The following ANKS1B variants were observed in gnomAD, a reference collection of about 807,000 sequenced individuals.
ANKS1B encodes ankyrin repeat and sterile alpha motif domain-containing protein 1B.
In ANKS1B, 36 loss-of-function variants were observed where a neutral mutation model predicts 148.3. The ratio of observed to expected loss-of-function variants is 0.24; its 90% CI spans 0.19 to 0.32. The LOEUF is 0.32. ANKS1B is among the 10% of genes least tolerant of loss of function. The probability of loss-of-function intolerance (pLI) is 1.00; values close to 1 mark genes in which losing one functional copy is unlikely to be tolerated. For synonymous variants in ANKS1B, 542 were observed against 560.8 expected (o/e 0.97, Z 0.47); for missense variants, 1,157 against 1,542.6 (o/e 0.75, Z 4.19).
chr12:98,984,503 T>C (rs527316907), intron 17 of ANKS1B, among the ~76,000 whole-genome samples: 67 of 152,208 alleles, frequency 4.4e-4, no homozygotes, highest in Non-Finnish European at 8.1e-4. Context: ...TTAACACCTT[T>C]CTTGGAAATC....
chr12:99,896,475 C>A (rs914792908), intron 1 of ANKS1B, among the ~76,000 whole-genome samples: 3 of 151,316 alleles, frequency 2.0e-5, no homozygotes, highest in African/African-American at 7.3e-5. Flanking sequence ...AGAGACACCA[C>A]AATTTCTTTA....
chr12:99,131,124 C>T (rs77762378), intron 15 of ANKS1B, among the ~76,000 whole-genome samples: 8,865 of 152,212 alleles, frequency 0.058, 844 homozygotes, highest in African/African-American at 0.2. Flanking sequence ...TGTTTGTTGC[C>T]TACTCGTCTT....
chr12:99,459,958 A>T (rs1353112476), intron 10 of ANKS1B, among the ~76,000 whole-genome samples: 1 of 152,152 alleles, frequency 6.6e-6, no homozygotes, highest in Non-Finnish European at 1.5e-5. Flanking sequence ...AAACAAGACT[A>T]AGCAAAAAGA....
intron 22 of ANKS1B, among the ~76,000 whole-genome samples, chr12:98,791,783 G>C (rs1421860850): frequency 1.3e-5 from 2 of 152,210 alleles, no homozygotes; most frequent in Non-Finnish European, 2.9e-5. Flanking sequence ...TGATTCCTAA[G>C]AAGTAATTCT....
At chr12:99,467,266 A>T (rs985750056) in intron 10 of ANKS1B, among the ~76,000 whole-genome samples, 1 of 152,174 alleles carries the variant, frequency 6.6e-6, no homozygotes, top group African/African-American at 2.4e-5. Flanking sequence ...CTCTCAATAA[A>T]TTAGGTATTG....
At chr12:99,222,441 C>G (rs191480694) in intron 14 of ANKS1B, among the ~76,000 whole-genome samples, 2 of 152,126 alleles carry the variant, frequency 1.3e-5, no homozygotes. Context: ...ACGGCAAAAC[C>G]CCATCTCTAC....
At chr12:99,620,296 A>G (rs1271285567) in intron 9 of ANKS1B, among the ~76,000 whole-genome samples, 1 of 152,230 alleles carries the variant, frequency 6.6e-6, no homozygotes. Context: ...GCATCTCCAG[A>G]TGAGAAAGAT....
intron 1 of ANKS1B, among the ~76,000 whole-genome samples, chr12:99,894,735 CCAA>C (rs1301455598): frequency 1.3e-5 from 2 of 149,036 alleles, no homozygotes; most frequent in East Asian, 3.9e-4. Context: ...ACTCTGTGAT[CCAA>C]CAATTCATTA....
intron 9 of ANKS1B, among the ~76,000 whole-genome samples, chr12:99,617,432 T>TATAC (rs2097981109): frequency 6.6e-6 from 1 of 152,104 alleles, no homozygotes; most frequent in African/African-American, 2.4e-5. Flanking sequence ...ATGTGGCACA[T>TATAC]ATACACCATG....
In ANKS1B at chr12:99,494,534, C is replaced by T. The variant is rs529883601; in HGVS notation, c.1438+9942G>A. ...GGGTTACGAGGTCAGGAGATTGAGA[C>T]CATCCTGGCTAACACGGAGAAACCC... On this transcript the variant is annotated intron_variant, in intron 10 of 26. Transcript: ENST00000683438. 2.6e-5 allele frequency among the ~76,000 whole-genome samples: 4 copies of T among 151,910 alleles called. No homozygotes were observed. In the South Asian group the frequency reaches 8.3e-4, roughly 32 times the overall value.
chr12:99,609,547 GA>G (rs147882226), intron 9 of ANKS1B, among the ~76,000 whole-genome samples: 4,291 of 140,216 alleles, frequency 0.031, 205 homozygotes, highest in African/African-American at 0.095. Flanking sequence ...CTTTTTATAA[GA>G]AAAAAAAAAA....
At chr12:99,619,399 G>A (rs2153368633) in intron 9 of ANKS1B, among the ~76,000 whole-genome samples, 1 of 152,114 alleles carries the variant, frequency 6.6e-6, no homozygotes, top group Admixed American at 6.5e-5. Flanking sequence ...CGATTCACAT[G>A]AAACAGCAGC....
chr12:99,793,871 A>G (rs1355345403), intron 4 of ANKS1B, among the ~76,000 whole-genome samples: 1 of 152,126 alleles, frequency 6.6e-6, no homozygotes, highest in African/African-American at 2.4e-5. Context: ...AACAATCAAC[A>G]AAGTGAAGAG....
chr12:99,361,577 A>T (rs2092464095), intron 12 of ANKS1B, among the ~76,000 whole-genome samples: 1 of 152,102 alleles, frequency 6.6e-6, no homozygotes, highest in African/African-American at 2.4e-5. Flanking sequence ...GTACAAACAG[A>T]TGAGAAGTTT....
At chr12:99,746,597 T>C (rs1260300752) in intron 8 of ANKS1B, among the ~76,000 whole-genome samples, 3 of 151,904 alleles carry the variant, frequency 2.0e-5, no homozygotes, top group Non-Finnish European at 4.4e-5. Flanking sequence ...AGTATATCAG[T>C]GCAACAAAAA....
At chr12:98,988,191 T>A (rs2099924538) in intron 17 of ANKS1B, among the ~76,000 whole-genome samples, 1 of 152,178 alleles carries the variant, frequency 6.6e-6, no homozygotes, top group African/African-American at 2.4e-5. Context: ...GTACAAGGGA[T>A]CTCTTAAACT....
At chr12:99,591,001 C>T (rs1459222079) in intron 9 of ANKS1B, among the ~76,000 whole-genome samples, 1 of 151,822 alleles carries the variant, frequency 6.6e-6, no homozygotes, top group African/African-American at 2.4e-5. Context: ...CTTATACTTC[C>T]TCCTATATTT....
At chr12:99,354,474 T>G (rs868102853) in intron 12 of ANKS1B, among the ~76,000 whole-genome samples, 1 of 152,054 alleles carries the variant, frequency 6.6e-6, no homozygotes, top group Non-Finnish European at 1.5e-5. Context: ...ACCTCACTAT[T>G]TCCTCATGTT....
At chr12:99,863,388 A>T (rs1254306653) in intron 1 of ANKS1B, among the ~76,000 whole-genome samples, 1 of 152,176 alleles carries the variant, frequency 6.6e-6, no homozygotes, top group African/African-American at 2.4e-5. Context: ...TTTTAAAATG[A>T]TAACTGAGTT....
Sources: allele counts gnomAD v4.1 joint callset (sites outside exome capture counted in the v4.1 genomes callset), GRCh38; gene constraint gnomAD v4.1.1; transcripts MANE v1.5; gene names NCBI Gene and HGNC (gene_info 2026-07-23, HGNC 2026-07-21).